GOLGA3: variants seen among roughly 807,000 people sequenced by gnomAD.
GOLGA3 encodes the protein golgin A3.
A neutral mutation model predicts 169.4 loss-of-function variants in GOLGA3; 75 were observed. That is an observed-to-expected ratio of 0.44 (90% CI 0.37 to 0.54). The LOEUF (loss-of-function observed/expected upper bound fraction) is 0.54, where lower values mean the gene tolerates loss of function less well. GOLGA3 is among the 20% of genes least tolerant of loss of function. The pLI, the probability that GOLGA3 is intolerant of heterozygous loss-of-function variation, is 0.00. For missense variants in GOLGA3, 1,899 were observed against 1,930.0 expected (o/e 0.98, Z 0.30); for synonymous variants, 824 against 822.4 (o/e 1.00, Z -0.03).
At chr12:132,773,425 G>C in intron 23 of GOLGA3, 131 bp from the exon 24 acceptor site, 1 of 529,956 alleles carries the variant, frequency 1.9e-6, no homozygotes, top group Non-Finnish European at 3.3e-6. Context: ...AACCAACTGA[G>C]ACCACAGAAG....
rs775660392 is a variant in GOLGA3, at chr12:132,784,354, A to AC, written c.3124-48dup. 3.3e-4 allele frequency: 500 copies of AC among 1,511,578 alleles called. 5 individuals are homozygous for AC. The highest frequency in any genetic ancestry group is 4.9e-5 in the Non-Finnish European group (55 of 1,115,074). 93.6% of individuals were successfully genotyped at this position (1,511,578 alleles called of 1,614,324 possible). On this transcript the variant is annotated intron_variant, in intron 15 of 23. Coordinates refer to ENST00000450791, the MANE Select transcript of GOLGA3 (RefSeq NM_001389683.1). ...GCGCTTGGTCATGGGACAGGCCCTG[A>AC]CCCCCCTCACTTCCTGTGGTGCCGG...
At chr12:132,807,364 T>G in intron 5 of GOLGA3, 76 bp from the exon 6 acceptor site, 1 of 742,254 alleles carries the variant, frequency 1.3e-6, no homozygotes, top group Non-Finnish European at 2.2e-6. Flanking sequence ...TTCTCCAAAT[T>G]CCACACACCC....
chr12:132,777,559 G>A lies in GOLGA3; in HGVS notation c.3722+107C>T, dbSNP rs2045315501. On this transcript the variant is annotated intron_variant, in intron 19 of 23. Transcript: ENST00000450791. This position sits in a 1 kb window ranked among gnomAD's most constrained non-coding sequence, Gnocchi z 4.7. ...CTCCTATGATTCACTCAAGTACTCGGCAATTTGCAAAATATAGATGACCCT... is the reference window on the plus strand; with the variant it reads ...CTCCTATGATTCACTCAAGTACTCGACAATTTGCAAAATATAGATGACCCT... 1 of 1,293,442 alleles carries A rather than the reference G, an allele frequency of 7.7e-7. No individual in the cohort carries two copies. The highest frequency in any genetic ancestry group is 1.5e-5 in the African/African-American group (1 of 68,142). The allele number at this position is 1,293,442 out of a possible 1,614,324, so 80.1% of individuals were successfully genotyped here.
At chr12:132,814,183 CCT>C (rs1949855125) in intron 3 of GOLGA3, among the ~76,000 whole-genome samples, 1 of 151,738 alleles carries the variant, frequency 6.6e-6, no homozygotes, top group Admixed American at 6.6e-5. Context: ...CAACACGACC[CCT>C]GACGACTTTG....
rs912519041 is a variant in GOLGA3, at chr12:132,804,231, A to G, written c.1597+485T>C. 1.3e-5 allele frequency among the ~76,000 whole-genome samples: 2 copies of G among 152,264 alleles called. No individual in the cohort carries two copies. Among genetic ancestry groups the G allele is most frequent in the African/African-American group, 4.8e-5 (2 of 41,530 alleles). On this transcript the variant is annotated intron_variant, in intron 7 of 23. Coordinates refer to ENST00000450791, the MANE Select transcript of GOLGA3 (RefSeq NM_001389683.1). The surrounding 1 kb of genome is among the most constrained non-coding windows in gnomAD (Gnocchi z 4.1). ...AGCTGTTCTTGAATATTTTAAATGGAATCTGCAATTCTGTGGAATAAGTGG... is the reference window on the plus strand; with the variant it reads ...AGCTGTTCTTGAATATTTTAAATGGGATCTGCAATTCTGTGGAATAAGTGG...
chr12:132,807,309 C>G (rs1332926472), intron 5 of GOLGA3, 21 bp from the exon 6 acceptor site: 2 of 1,381,862 alleles, frequency 1.4e-6, no homozygotes, highest in Non-Finnish European at 2.0e-6. Flanking sequence ...AGGCACGGGT[C>G]AGGCCTGTGC....
chr12:132,773,482 G>T (rs1185723389), intron 23 of GOLGA3, among the ~76,000 whole-genome samples, 188 bp from the exon 24 acceptor site: 1 of 152,238 alleles, frequency 6.6e-6, no homozygotes, highest in Non-Finnish European at 1.5e-5. Flanking sequence ...GAGGACACAG[G>T]CTCAAGGACC....
At chr12:132,800,427 G>A (rs1402250989) in intron 8 of GOLGA3, among the ~76,000 whole-genome samples, 1 of 152,104 alleles carries the variant, frequency 6.6e-6, no homozygotes, top group Non-Finnish European at 1.5e-5. Context: ...CCAGGAGACA[G>A]AGGTTGCAGT....
Position 132,796,525 on chromosome 12 carries a change from C to T in GOLGA3, c.2100+14G>A. On this transcript the variant is annotated intron_variant, in intron 10 of 23. Coordinates refer to ENST00000450791, the MANE Select transcript of GOLGA3 (RefSeq NM_001389683.1). ...TGGGGCCTGGGTCCAGCCTGAAGGG[C>T]TGCAGGGACTTACCTGCTCCAGCTG... 2 of 1,604,306 alleles carry T rather than the reference C, an allele frequency of 1.2e-6. No homozygotes were observed. The highest frequency in any genetic ancestry group is 8.5e-7 in the Non-Finnish European group (1 of 1,178,040).
In GOLGA3 at chr12:132,770,904, G is replaced by C. The variant is rs2044872156; in HGVS notation, c.*2201C>G. On this transcript the variant is annotated 3_prime_UTR_variant, in exon 24 of 24. Transcript: ENST00000450791. The stretch of plus-strand genomic sequence containing the variant: ...CCCGCCTCGGCCTCCCAAAGTGCTG[G>C]GATTACAGGCATGAGCCACCGCGCC... 6.6e-6 allele frequency: 1 copy of C among 152,202 alleles called. No homozygotes were observed. The highest frequency in any genetic ancestry group is 1.5e-5 in the Non-Finnish European group (1 of 68,024). 9.4% of individuals were successfully genotyped at this position (152,202 alleles called of 1,614,324 possible). A position where few individuals can be genotyped will look rare whatever the true frequency, so the allele number is the denominator to read the frequency against.
chr12:132,788,962 A>AGACACACGCCC, intron 13 of GOLGA3, 65 bp downstream of exon 13: 1 of 310,608 alleles, frequency 3.2e-6, no homozygotes, highest in Non-Finnish European at 4.7e-6. Flanking sequence ...CACAGGCCCC[A>AGACACACGCCC]CCCTCCCGAC....
intron 11 of GOLGA3, among the ~76,000 whole-genome samples, chr12:132,793,767 G>C (rs893543955): frequency 6.6e-6 from 1 of 152,096 alleles, no homozygotes; most frequent in African/African-American, 2.4e-5. Context: ...CAGACCCACG[G>C]CACAGGACCT....
chr12:132,774,413 T>G, intron 22 of GOLGA3, 93 bp from the exon 23 acceptor site: 1 of 1,406,390 alleles, frequency 7.1e-7, no homozygotes, highest in Non-Finnish European at 9.8e-7. Context: ...CCTCCCCAAC[T>G]GGTGGACGTG....
At position 132,813,322 on chromosome 12, in the gene GOLGA3, C is replaced by T; in HGVS notation, c.504G>A (p.Lys168=). 6.2e-7 allele frequency: 1 copy of T among 1,611,364 alleles called. No individual in the cohort carries two copies. Among genetic ancestry groups the T allele is most frequent in the South Asian group, 1.1e-5 (1 of 91,030 alleles). ...GGAGACTCACCCTCTCCTGCTGGCG[C>T]TTCACCCTGTACTGTTTGAGCTGCT... ...LEEQLKQYRV[K]RQQERSSQPA... Residue 168 remains lysine, a synonymous_variant, in exon 4 of 24, where the codon AAG becomes AAA. Coordinates refer to ENST00000450791, the MANE Select transcript of GOLGA3 (RefSeq NM_001389683.1).
chr12:132,795,035 A>T (rs187461743), intron 11 of GOLGA3, among the ~76,000 whole-genome samples: 1 of 152,164 alleles, frequency 6.6e-6, no homozygotes, highest in East Asian at 1.9e-4. Flanking sequence ...AAAAATACAA[A>T]AATTAGCTGG....
intron 11 of GOLGA3, among the ~76,000 whole-genome samples, chr12:132,792,722 CGA>C (rs1948606277): frequency 7.6e-6 from 1 of 130,854 alleles, no homozygotes; most frequent in Non-Finnish European, 1.6e-5. Context: ...CCACACGGAC[CGA>C]CCGCACGGGA....
In GOLGA3 at chr12:132,796,139, A is replaced by T. The variant is rs1948821216; in HGVS notation, c.2182T>A (p.Leu728Met). 1 of 1,610,916 alleles carries T rather than the reference A, an allele frequency of 6.2e-7. No individual in the cohort carries two copies. Among genetic ancestry groups the T allele is most frequent in the African/African-American group, 1.3e-5 (1 of 74,874 alleles). ...EHLDLMKQLT[L>M]TQEALQSREQ... is the part of the protein sequence containing the mutation. Reference sequence around the variant, plus strand: ...CTGCTCTGCAGAGCCTCCTGAGTCAAGGTGAGCTGTTTCATCAGGTCCAGG... The same window carrying T: ...CTGCTCTGCAGAGCCTCCTGAGTCATGGTGAGCTGTTTCATCAGGTCCAGG... The change falls in exon 11 of 24, where the codon TTG (leucine) becomes ATG (methionine). Residue 728 changes from leucine (L) to methionine (M), a missense_variant. Leu to Met is a conservative substitution (Grantham distance 15). Transcript: ENST00000450791.
intron 1 of GOLGA3, among the ~76,000 whole-genome samples, chr12:132,824,089 CAAA>C (rs1056978023): frequency 2.0e-5 from 3 of 152,068 alleles, no homozygotes; most frequent in African/African-American, 4.8e-5. Context: ...TCTCAAAAAA[CAAA>C]AAACAACAAA....
chr12:132,787,924 C>G (rs990906246), intron 13 of GOLGA3, among the ~76,000 whole-genome samples: 6 of 134,514 alleles, frequency 4.5e-5, no homozygotes, highest in African/African-American at 1.1e-4. Context: ...CTGGACCCCC[C>G]CCGGATGCCC....
Sources: gnomAD v4.1 joint callset for allele counts (sites outside exome capture counted in the v4.1 genomes callset) on GRCh38, gnomAD v4.1.1 for gene constraint, Gnocchi (gnomAD v3.1) non-coding constraint, MANE v1.5 for transcripts, NCBI Gene and HGNC (gene_info 2026-07-23, HGNC 2026-07-21) for gene names.